MBD5: variants seen among roughly 807,000 people sequenced by gnomAD.
The protein encoded by MBD5 is methyl-CpG-binding domain protein 5.
Under a neutral mutation model 117.3 loss-of-function variants are expected in MBD5, and 13 were observed. The ratio of observed to expected loss-of-function variants is 0.11; its 90% CI spans 0.07 to 0.18. The LOEUF is 0.18. Among genes scored for constraint, MBD5 ranks in the 10% least tolerant of loss-of-function variants. The probability of loss-of-function intolerance (pLI) is 1.00; values close to 1 mark genes in which losing one functional copy is unlikely to be tolerated. For missense variants in MBD5, 1,879 were observed against 2,093.8 expected (o/e 0.90, Z 2.00); for synonymous variants, 727 against 766.4 (o/e 0.95, Z 0.85).
intron 4 of MBD5, among the ~76,000 whole-genome samples, chr2:148,401,692 A>C (rs1035814553): frequency 1.1e-4 from 16 of 152,130 alleles, no homozygotes; most frequent in African/African-American, 3.4e-4. Context: ...GCCTAACCAT[A>C]ATCTAATTAT....
At chr2:148,034,031 C>CA (rs1383444800) in intron 1 of MBD5, among the ~76,000 whole-genome samples, 1 of 151,912 alleles carries the variant, frequency 6.6e-6, no homozygotes, top group East Asian at 1.9e-4. Context: ...CTCATTTCTG[C>CA]AAAAAATGCA....
chr2:148,403,973 T>C (rs1295272026), intron 4 of MBD5, among the ~76,000 whole-genome samples: 1 of 152,162 alleles, frequency 6.6e-6, no homozygotes, highest in African/African-American at 2.4e-5. Flanking sequence ...ATAAATGAAA[T>C]TATAGAGTAT....
intron 4 of MBD5, among the ~76,000 whole-genome samples, chr2:148,368,078 A>C (rs557597871): frequency 1.3e-5 from 2 of 152,154 alleles, no homozygotes; most frequent in Non-Finnish European, 2.9e-5. Context: ...AACCACTCCA[A>C]ATGCTCGTCA....
chr2:148,209,040 A>G (rs1271535513), intron 2 of MBD5, among the ~76,000 whole-genome samples: 1 of 152,126 alleles, frequency 6.6e-6, no homozygotes, highest in Non-Finnish European at 1.5e-5. Flanking sequence ...CTGTCTTTTC[A>G]TTGGCATTGG....
At chr2:148,177,436 A>G (rs1446070682) in intron 1 of MBD5, among the ~76,000 whole-genome samples, 2 of 152,190 alleles carry the variant, frequency 1.3e-5, no homozygotes, top group Non-Finnish European at 2.9e-5. Context: ...GCCAGATACT[A>G]ATTGCATCAT....
At chr2:148,188,407 C>A (rs1461685658) in intron 2 of MBD5, among the ~76,000 whole-genome samples, 1 of 152,120 alleles carries the variant, frequency 6.6e-6, no homozygotes, top group Non-Finnish European at 1.5e-5. Context: ...AGAGAACTGG[C>A]TAGGCATGAT....
intron 8 of MBD5, chr2:148,471,106 T>C (rs923763405): frequency 3.9e-5 from 6 of 152,288 alleles, no homozygotes; most frequent in Non-Finnish European, 7.4e-5. Context: ...AAAAAAGGCT[T>C]GAAAACCTGA....
intron 1 of MBD5, among the ~76,000 whole-genome samples, chr2:148,051,963 A>G (rs74331923): frequency 0.022 from 3,360 of 151,962 alleles, 110 homozygotes; most frequent in African/African-American, 0.077. Flanking sequence ...TCGCCAGTGA[A>G]GCCATCTAGT....
chr2:148,377,499 G>T (rs1400264075), intron 4 of MBD5, among the ~76,000 whole-genome samples: 3 of 152,088 alleles, frequency 2.0e-5, no homozygotes, highest in Non-Finnish European at 4.4e-5. Flanking sequence ...AACCAGTAAG[G>T]GACTCCTATG....
chr2:148,345,217 T>TACACACACACACACACACACACAC (rs1553503434), intron 4 of MBD5, among the ~76,000 whole-genome samples: 4 of 109,198 alleles, frequency 3.7e-5, no homozygotes, highest in African/African-American at 1.4e-4. Flanking sequence ...TATGTATATA[T>TACACACACACACACACACACACAC]ACACACACAC....
intron 1 of MBD5, among the ~76,000 whole-genome samples, chr2:148,156,373 G>A (rs1697874864): frequency 6.6e-6 from 1 of 152,186 alleles, no homozygotes; most frequent in African/African-American, 2.4e-5. Context: ...CTCCCCAGAA[G>A]AAACATCTCA....
chr2:148,445,419 G>A (rs1229853395), intron 4 of MBD5, among the ~76,000 whole-genome samples: 1 of 151,022 alleles, frequency 6.6e-6, no homozygotes. Context: ...AGTTTGCTGA[G>A]AATGATGGTT....
chr2:148,190,965 T>G (rs369630646), intron 2 of MBD5, among the ~76,000 whole-genome samples: 2 of 148,432 alleles, frequency 1.3e-5, no homozygotes, highest in Non-Finnish European at 1.5e-5. Flanking sequence ...TCCTAGTCTC[T>G]GATAAAACAG....
At chr2:148,185,127 G>A (rs992938295) in intron 2 of MBD5, among the ~76,000 whole-genome samples, 1 of 152,136 alleles carries the variant, frequency 6.6e-6, no homozygotes, top group Admixed American at 6.5e-5. Context: ...CTCAAGTCAT[G>A]GAATAGTCAA....
intron 4 of MBD5, among the ~76,000 whole-genome samples, chr2:148,420,091 TA>T (rs1368767081): frequency 6.6e-6 from 1 of 152,184 alleles, no homozygotes; most frequent in Non-Finnish European, 1.5e-5. Context: ...TCTGACCTGA[TA>T]CAAAATTGTT....
At chr2:148,389,877 G>A (rs1009743721) in intron 4 of MBD5, among the ~76,000 whole-genome samples, 1 of 152,214 alleles carries the variant, frequency 6.6e-6, no homozygotes, top group East Asian at 1.9e-4. Flanking sequence ...CTCCCATTCT[G>A]TAGGTTGTCT....
At chr2:148,267,982 CT>C in intron 3 of MBD5, among the ~76,000 whole-genome samples, 1 of 140,382 alleles carries the variant, frequency 7.1e-6, no homozygotes, top group South Asian at 2.3e-4. Context: ...CAGGTTCTCA[CT>C]TTTTCACCCA....
At chr2:148,214,203 G>A (rs974934929) in intron 2 of MBD5, among the ~76,000 whole-genome samples, 2 of 152,200 alleles carry the variant, frequency 1.3e-5, no homozygotes, top group African/African-American at 4.8e-5. Context: ...GAGGCCAGAC[G>A]GTAATATTTT....
intron 4 of MBD5, among the ~76,000 whole-genome samples, chr2:148,434,071 A>G (rs1381443109): frequency 6.6e-6 from 1 of 151,636 alleles, no homozygotes; most frequent in African/African-American, 2.4e-5. Context: ...TTCAGAACTC[A>G]TTATTGGTCT....
Sources: allele counts gnomAD v4.1 joint callset (sites outside exome capture counted in the v4.1 genomes callset), GRCh38; gene constraint gnomAD v4.1.1; transcripts MANE v1.5; gene names NCBI Gene and HGNC (gene_info 2026-07-23, HGNC 2026-07-21).